Variants in ZNF200 observed in about 807,000 individuals in gnomAD.
ZNF200 encodes the protein zinc finger protein 200.
Under a neutral mutation model 33.6 loss-of-function variants are expected in ZNF200, and 35 were observed. The ratio of observed to expected loss-of-function variants is 1.04; its 90% CI spans 0.80 to 1.38. The LOEUF (loss-of-function observed/expected upper bound fraction) is 1.38. Among genes scored for constraint, ZNF200 ranks in the 40% most tolerant of loss-of-function variants. The pLI is 0.00. For synonymous variants in ZNF200, 209 were observed against 167.7 expected, an observed-to-expected ratio of 1.25 and a Z score of -1.90; for missense variants, 592 against 470.6, an observed-to-expected ratio of 1.26 and a Z score of -2.39.
chr16:3,223,691 A>C lies in ZNF200; in HGVS notation c.*201T>G, dbSNP rs1344627867. 21 of 698,722 alleles carry C rather than the reference A, an allele frequency of 3.0e-5. No individual in the cohort carries two copies. Among genetic ancestry groups the C allele is most frequent in the Non-Finnish European group, 4.4e-5 (20 of 451,946 alleles). 43.3% of individuals were successfully genotyped at this position (698,722 alleles called of 1,614,324 possible). On this transcript the variant is annotated 3_prime_UTR_variant, in exon 5 of 5. Coordinates refer to ENST00000414144, the MANE Select transcript of ZNF200 (RefSeq NM_198088.3). The stretch of plus-strand genomic sequence containing the variant: ...CTTAGTCCAAAAAGCCTAGATGCTG[A>C]GGTATAGCCCTTGAAATGTTTTCTT...
rs757403207 is a variant in ZNF200, at chr16:3,224,476, T to C, written c.604A>G (p.Lys202Glu). ...GGAATGGATGTATTTAGTCGTTCCT[T>C]TTCCTGGTTATCGGGAGGCTGCTGA... The part of the protein sequence containing the change: ...VSQQPPDNQE[K>E]ERLNTSIPQK... Residue 202 changes from lysine to glutamate, a missense_variant, in exon 5 of 5, where the codon AAG (lysine) becomes GAG (glutamate). Coordinates refer to ENST00000414144, the MANE Select transcript of ZNF200 (RefSeq NM_198088.3). 3 of 1,614,242 alleles carry C rather than the reference T, an allele frequency of 1.9e-6. No homozygotes were observed. The highest frequency in any genetic ancestry group is 1.1e-5 in the South Asian group (1 of 91,086).
chr16:3,231,280 T>C (rs1958628774), intron 4 of ZNF200, among the ~76,000 whole-genome samples: 1 of 152,220 alleles, frequency 6.6e-6, no homozygotes, highest in Non-Finnish European at 1.5e-5. Flanking sequence ...GATCTTTTTA[T>C]CCTTTTCTCT....
intron 4 of ZNF200, chr16:3,226,416 G>C (rs972118074): frequency 6.6e-6 from 1 of 152,106 alleles, no homozygotes; most frequent in African/African-American, 2.4e-5. Flanking sequence ...CATAGCTCTT[G>C]ACATGAACTA....
At chr16:3,225,450 G>GA (rs372137443) in intron 4 of ZNF200, 5 of 152,040 alleles carry the variant, frequency 3.3e-5, no homozygotes, top group African/African-American at 1.2e-4. Flanking sequence ...TCTCAAAACA[G>GA]AAAAAAGTTT....
At chr16:3,233,407 T>C (rs1958698050) in intron 2 of ZNF200, 99 bp downstream of exon 2, 3 of 1,444,002 alleles carry the variant, frequency 2.1e-6, no homozygotes, top group South Asian at 1.5e-5. Flanking sequence ...TTTTCCAATA[T>C]ACACCATCCT....
In ZNF200 at chr16:3,233,745, G is replaced by A; in HGVS notation, c.11C>T (p.Ala4Val). 6.2e-7 allele frequency: 1 copy of A among 1,611,334 alleles called. No individual in the cohort carries two copies. Among genetic ancestry groups the A allele is most frequent in the Non-Finnish European group, 8.5e-7 (1 of 1,178,790 alleles). Reference protein sequence around the residue: MMAAKVVPMPPKPK... With the variant: MMAVKVVPMPPKPK... ...CTTTGGGGGCATAGGAACCACTTTT[G>A]CAGCCATCATGCCTTGCAACCACAC... Residue 4 changes from alanine (A) to valine (V), a missense_variant, in exon 2 of 5, where the codon GCA becomes GTA. Coordinates refer to ENST00000414144, the MANE Select transcript of ZNF200 (RefSeq NM_198088.3).
At chr16:3,231,722 G>T (rs1958639709) in intron 4 of ZNF200, among the ~76,000 whole-genome samples, 1 of 152,184 alleles carries the variant, frequency 6.6e-6, no homozygotes, top group Non-Finnish European at 1.5e-5. Flanking sequence ...TATGAGAAAT[G>T]CATCTAGGAG....
At position 3,232,913 on chromosome 16, in the gene ZNF200, G is replaced by C; in HGVS notation, c.259C>G (p.Arg87Gly). The C allele has an allele frequency of 1.9e-6, 3 of 1,613,682 alleles. No homozygotes were observed. Among genetic ancestry groups the C allele is most frequent in the South Asian group, 2.2e-5 (2 of 91,072 alleles). ...TTGGGCAGAAGCTTCACCAAGGGACGAGGATGCACTGGGGAAAGAGGAAGG... is the reference window on the plus strand; with the variant it reads ...TTGGGCAGAAGCTTCACCAAGGGACCAGGATGCACTGGGGAAAGAGGAAGG... ...SSSLQNRVHPRPLVKLLPKGV... is the reference protein window; with the variant it reads ...SSSLQNRVHPGPLVKLLPKGV... The change falls in exon 3 of 5, where the codon CGT (arginine) becomes GGT (glycine). Residue 87 changes from arginine to glycine, a missense_variant. Coordinates refer to ENST00000414144, the MANE Select transcript of ZNF200 (RefSeq NM_198088.3).
At chr16:3,228,522 T>C (rs917293360) in intron 4 of ZNF200, among the ~76,000 whole-genome samples, 1 of 151,758 alleles carries the variant, frequency 6.6e-6, no homozygotes, top group African/African-American at 2.4e-5. Context: ...TGAGATGGAG[T>C]CTTGCTCTGT....
chr16:3,227,251 G>C (rs11077325), intron 4 of ZNF200: 2 of 152,136 alleles, frequency 1.3e-5, no homozygotes, highest in South Asian at 2.1e-4. Flanking sequence ...CCTTTTGTAC[G>C]TATTTGAATC....
At chr16:3,225,361 C>T (rs1402080043) in intron 4 of ZNF200, 1 of 152,408 alleles carries the variant, frequency 6.6e-6, no homozygotes, top group Non-Finnish European at 1.5e-5. Context: ...AGGAGAATCA[C>T]TTGAAACCGG....
In ZNF200 at chr16:3,224,337, G is replaced by A. The variant is rs1958412353; in HGVS notation, c.743C>T (p.Thr248Ile). Residue 248 changes from threonine (T) to isoleucine (I), a missense_variant, in exon 5 of 5, where the codon ACA (threonine) becomes ATA (isoleucine). Physicochemically the swap from Thr to Ile is moderately conservative, Grantham distance 89. Coordinates refer to ENST00000414144, the MANE Select transcript of ZNF200 (RefSeq NM_198088.3). ...CAGTGGACAAGTGTACCATCTCCTT[G>A]TCCTCCGATTTCGAGTAAGGGCAAT... ...SIIALTRNRR[T>I]RRWYTCPLCG... 4 of 1,614,046 alleles carry A rather than the reference G, an allele frequency of 2.5e-6. No homozygotes were observed. Among genetic ancestry groups the A allele is most frequent in the Non-Finnish European group, 3.4e-6 (4 of 1,179,998 alleles).
intron 1 of ZNF200, 30 bp from the exon 2 acceptor site, chr16:3,233,866 A>C: frequency 6.7e-7 from 1 of 1,498,070 alleles, no homozygotes; most frequent in South Asian, 1.4e-5. Context: ...GGATTACCCA[A>C]AAGACCAGGC....
chr16:3,224,087 T>C lies in ZNF200; in HGVS notation c.993A>G (p.Ile331Met), dbSNP rs1377403600. 1.2e-6 allele frequency: 2 copies of C among 1,614,170 alleles called. No individual in the cohort carries two copies. The highest frequency in any genetic ancestry group is 1.7e-5 in the Admixed American group (1 of 60,018). ...SHRSRHEGIH[I>M]REKIFKCPEC... is the part of the protein sequence containing the mutation. Reference sequence around the variant, plus strand: ...CTGGACACTTAAATATCTTCTCCCTTATATGGATTCCTTCATGACGACTCC... The same window carrying C: ...CTGGACACTTAAATATCTTCTCCCTCATATGGATTCCTTCATGACGACTCC... The change falls in exon 5 of 5, where the codon ATA becomes ATG. Residue 331 changes from isoleucine to methionine, a missense_variant. Ile to Met is a conservative substitution (Grantham distance 10). Coordinates refer to ENST00000414144, the MANE Select transcript of ZNF200 (RefSeq NM_198088.3).
intron 4 of ZNF200, among the ~76,000 whole-genome samples, chr16:3,231,540 G>A (rs1056746821): frequency 6.6e-6 from 1 of 152,186 alleles, no homozygotes; most frequent in East Asian, 1.9e-4. Flanking sequence ...TGCCTCTAGG[G>A]TTGCAACATT....
At chr16:3,224,893 A>G in intron 4 of ZNF200, 1 of 392,392 alleles carries the variant, frequency 2.5e-6, no homozygotes, top group Non-Finnish European at 4.6e-6. Context: ...TAATTACTCG[A>G]CAAGTTCATA....
Position 3,222,646 on chromosome 16 carries a change from C to T in ZNF200, c.*1246G>A, listed in dbSNP as rs565512133. 1 of 152,054 alleles carries T rather than the reference C, an allele frequency of 6.6e-6. No homozygotes were observed. The highest frequency in any genetic ancestry group is 1.5e-5 in the Non-Finnish European group (1 of 68,010). 9.4% of individuals were successfully genotyped at this position (152,054 alleles called of 1,614,324 possible). A position where few individuals can be genotyped will look rare whatever the true frequency, so the allele number is the denominator to read the frequency against. On this transcript the variant is annotated 3_prime_UTR_variant, in exon 5 of 5. Coordinates refer to ENST00000414144, the MANE Select transcript of ZNF200 (RefSeq NM_198088.3). ...AATAGCTTATAGGATTTCTTTATTC[C>T]AATCAAAACACCAATGTATAACTTT...
At chr16:3,234,444 T>G (rs1263023837) in intron 1 of ZNF200, among the ~76,000 whole-genome samples, 1 of 151,010 alleles carries the variant, frequency 6.6e-6, no homozygotes, top group African/African-American at 2.4e-5. Flanking sequence ...AGGAAGGGAA[T>G]CAGGGAAGAG....
chr16:3,233,143 T>C (rs1165919072), intron 2 of ZNF200, among the ~76,000 whole-genome samples: 1 of 152,164 alleles, frequency 6.6e-6, no homozygotes, highest in Admixed American at 6.6e-5. Flanking sequence ...CCTTTCAGAA[T>C]TTCCCATAGA....
Sources: gnomAD v4.1 joint callset for allele counts (sites outside exome capture counted in the v4.1 genomes callset) on GRCh38, gnomAD v4.1.1 for gene constraint, MANE v1.5 for transcripts, NCBI Gene and HGNC (gene_info 2026-07-23, HGNC 2026-07-21) for gene names.